The following NHSL2 variants were observed in gnomAD, a reference collection of about 807,000 sequenced individuals.
The protein encoded by NHSL2 is NHS-like protein 2.
A neutral mutation model predicts 53.4 loss-of-function variants in NHSL2; 27 were observed. That is an observed-to-expected ratio of 0.51 (90% CI 0.37 to 0.70). The LOEUF (loss-of-function observed/expected upper bound fraction) is 0.70, where lower values mean the gene tolerates loss of function less well. NHSL2 is among the 30% of genes least tolerant of loss of function. The probability of loss-of-function intolerance (pLI) is 0.00; values close to 1 mark genes in which losing one functional copy is unlikely to be tolerated. For synonymous variants in NHSL2, 408 were observed against 404.1 expected (o/e 1.01, Z -0.12); for missense variants, 892 against 980.1 (o/e 0.91, Z 1.20).
chrX:71,980,356 A>G (rs1410422285), intron 1 of NHSL2, among the ~76,000 whole-genome samples: 3 of 111,243 alleles, frequency 2.7e-5, no homozygotes, highest in Non-Finnish European at 3.8e-5. Context: ...CTTGGGCAGT[A>G]TGGCCATTTT....
intron 4 of NHSL2, among the ~76,000 whole-genome samples, 152 bp downstream of exon 4, chrX:72,134,856 G>A (rs1286045789): frequency 1.8e-5 from 2 of 112,806 alleles, no homozygotes; most frequent in Non-Finnish European, 3.7e-5. Context: ...GCCAGGGAAC[G>A]GAGGCATGCA....
In NHSL2 at chrX:71,945,886, A is replaced by C. The variant is rs780119529; in HGVS notation, c.280+34519A>C. Among the ~76,000 whole-genome samples the C allele has an allele frequency of 2.0e-3, 229 of 111,981 alleles. 1 individual carries two copies. Among genetic ancestry groups the C allele is most frequent in the South Asian group, 0.01 (27 of 2,671 alleles). The stretch of plus-strand genomic sequence containing the variant: ...AAGAGCTTTGCCAAGTATTACCCCC[A>C]CACACACTTTACCTTTGGGGAAACA... On this transcript the variant is annotated intron_variant, in intron 1 of 7. Transcript: ENST00000633930.
intron 1 of NHSL2, among the ~76,000 whole-genome samples, chrX:72,003,885 T>A (rs1328389016): frequency 9.0e-6 from 1 of 111,165 alleles, no homozygotes; most frequent in East Asian, 2.8e-4. Context: ...AACAGAACCA[T>A]CATGAGCTCC....
chrX:71,919,210 T>A lies in NHSL2; in HGVS notation c.280+7843T>A, dbSNP rs2041644177. Reference sequence around the variant, plus strand: ...ATGGATGACATGTTAAGGAAAAGGATCTTTGGATTTGGAATCGTCAGCTTC... The same window carrying A: ...ATGGATGACATGTTAAGGAAAAGGAACTTTGGATTTGGAATCGTCAGCTTC... On this transcript the variant is annotated intron_variant, in intron 1 of 7. Coordinates refer to ENST00000633930, the MANE Select transcript of NHSL2 (RefSeq NM_001013627.3). Among the ~76,000 whole-genome samples the A allele has an allele frequency of 4.5e-5, 5 of 112,173 alleles. No homozygotes were observed. The South Asian group carries it at 1.9e-3, about 42-fold the overall frequency.
At chrX:72,125,228 T>G (rs1210597012) in intron 1 of NHSL2, among the ~76,000 whole-genome samples, 1 of 112,292 alleles carries the variant, frequency 8.9e-6, no homozygotes, top group Non-Finnish European at 1.9e-5. Flanking sequence ...GTCATTTCAG[T>G]GCATCCTTCC....
intron 1 of NHSL2, among the ~76,000 whole-genome samples, chrX:71,980,563 GTGTGGGGT>G (rs1569468946): frequency 0.03 from 181 of 5,974 alleles, 1 homozygote; most frequent in African/African-American, 0.038. Context: ...TGTGTGGGGT[GTGTGGGGT>G]GTGTGTGTGT....
chrX:72,114,073 A>G (rs571585775), intron 1 of NHSL2, among the ~76,000 whole-genome samples: 3 of 112,412 alleles, frequency 2.7e-5, no homozygotes, highest in African/African-American at 6.5e-5. Flanking sequence ...CAATGTTTAC[A>G]GTATGATTCC....
intron 1 of NHSL2, among the ~76,000 whole-genome samples, chrX:72,101,280 G>A (rs768428492): frequency 9.1e-6 from 1 of 109,990 alleles, no homozygotes; most frequent in South Asian, 4.1e-4. Context: ...AAGAAGACTC[G>A]CATCAGGGTT....
At chrX:72,072,285 G>C (rs1293049984) in intron 1 of NHSL2, among the ~76,000 whole-genome samples, 1 of 112,334 alleles carries the variant, frequency 8.9e-6, no homozygotes, top group Admixed American at 9.4e-5. Context: ...TGTTTTTAAA[G>C]CGAGTCTTTT....
At chrX:72,042,985 C>T (rs2042284304) in intron 1 of NHSL2, among the ~76,000 whole-genome samples, 1 of 111,424 alleles carries the variant, frequency 9.0e-6, no homozygotes, top group South Asian at 3.8e-4. Flanking sequence ...TCACTCCCCA[C>T]ACATCTGTTC....
At chrX:72,106,152 A>T (rs2042037633) in intron 1 of NHSL2, among the ~76,000 whole-genome samples, 3 of 110,785 alleles carry the variant, frequency 2.7e-5, no homozygotes, top group South Asian at 3.9e-4. Context: ...CAGAGCCTGC[A>T]GTGAGCCGAG....
intron 1 of NHSL2, among the ~76,000 whole-genome samples, chrX:72,093,721 G>GCTTTCTTTCTTTCTTTCTTT (rs545225009): frequency 3.1e-5 from 3 of 95,301 alleles, no homozygotes; most frequent in East Asian, 3.7e-4. Flanking sequence ...TAGCTTGCTT[G>GCTTTCTTTCTTTCTTTCTTT]CTTTCTTTCT....
chrX:72,050,953 G>A (rs7054204), intron 1 of NHSL2, among the ~76,000 whole-genome samples: 9,939 of 110,029 alleles, frequency 0.09, 604 homozygotes, highest in African/African-American at 0.21. Flanking sequence ...TGCCACCGAC[G>A]TCCCTGCATT....
chrX:72,024,322 G>A (rs1440266221), intron 1 of NHSL2, among the ~76,000 whole-genome samples: 1 of 111,813 alleles, frequency 8.9e-6, no homozygotes, highest in African/African-American at 3.3e-5. Flanking sequence ...TACAAATGGG[G>A]CTACCAGGAG....
intron 1 of NHSL2, among the ~76,000 whole-genome samples, chrX:71,983,615 A>AG (rs1742973096): frequency 9.0e-6 from 1 of 110,651 alleles, no homozygotes; most frequent in African/African-American, 3.3e-5. Flanking sequence ...TGTCTCTAAA[A>AG]AAAAAATAAA....
chrX:71,950,030 CAG>C (rs1262049085), intron 1 of NHSL2, among the ~76,000 whole-genome samples: 6 of 113,501 alleles, frequency 5.3e-5, no homozygotes, highest in Non-Finnish European at 1.1e-4. Context: ...TCCGCTGGGG[CAG>C]AGAGTATGAC....
intron 1 of NHSL2, among the ~76,000 whole-genome samples, chrX:72,081,633 G>A (rs1335904290): frequency 3.6e-5 from 4 of 111,693 alleles, no homozygotes; most frequent in East Asian, 5.7e-4. Context: ...CAGCATGAGC[G>A]AGCCTTTAAA....
intron 1 of NHSL2, 65 bp from the exon 2 acceptor site, chrX:72,132,014 C>T (rs931149585): frequency 9.4e-5 from 106 of 1,124,924 alleles, no homozygotes; most frequent in Admixed American, 5.6e-4. Flanking sequence ...CGGGCGCCCA[C>T]TGGCCGCCGC....
intron 1 of NHSL2, chrX:72,069,652 A>AGCGGCCGCC: frequency 2.1e-6 from 2 of 936,200 alleles, no homozygotes; most frequent in South Asian, 1.2e-4. Context: ...AGGAGGTGGC[A>AGCGGCCGCC]GCGGCCGCCG....
Sources: allele counts gnomAD v4.1 joint callset (sites outside exome capture counted in the v4.1 genomes callset), GRCh38; gene constraint gnomAD v4.1.1; transcripts MANE v1.5; gene names NCBI Gene and HGNC (gene_info 2026-07-23, HGNC 2026-07-21).